Variants in CDH12 observed in about 807,000 individuals in gnomAD.
CDH12 encodes cadherin-12.
CDH12 carries 41 observed loss-of-function variants against 74.1 expected under a neutral mutation model. The observed-to-expected ratio is 0.55, with a 90% confidence interval of 0.43 to 0.72. The LOEUF (loss-of-function observed/expected upper bound fraction) is 0.72, where lower values mean the gene tolerates loss of function less well. CDH12 is among the 30% of genes least tolerant of loss of function. CDH12 has a pLI of 0.00. For missense variants in CDH12, 945 were observed against 977.2 expected (o/e 0.97, Z 0.44); for synonymous variants, 399 against 355.0 (o/e 1.12, Z -1.39).
intron 3 of CDH12, among the ~76,000 whole-genome samples, chr5:22,265,569 A>G (rs1425734482): frequency 6.6e-6 from 1 of 152,178 alleles, no homozygotes. Context: ...CTATTGTTTT[A>G]ACAATAATCA....
chr5:22,554,402 G>A (rs1738707916), intron 1 of CDH12, among the ~76,000 whole-genome samples: 1 of 152,092 alleles, frequency 6.6e-6, no homozygotes, highest in African/African-American at 2.4e-5. Context: ...CTATGAATGG[G>A]TAGGACAGTG....
chr5:22,158,826 C>T (rs1359397946), intron 4 of CDH12, among the ~76,000 whole-genome samples: 1 of 151,984 alleles, frequency 6.6e-6, no homozygotes, highest in Non-Finnish European at 1.5e-5. Flanking sequence ...GACAAATTAG[C>T]TCAGGTCATC....
intron 5 of CDH12, among the ~76,000 whole-genome samples, chr5:22,022,727 C>A (rs1375515027): frequency 6.6e-6 from 1 of 152,064 alleles, no homozygotes; most frequent in Non-Finnish European, 1.5e-5. Context: ...TTTTCTTGCT[C>A]ACCCTATATA....
intron 10 of CDH12, among the ~76,000 whole-genome samples, chr5:21,797,957 A>G (rs1746882932): frequency 6.6e-6 from 1 of 152,168 alleles, no homozygotes; most frequent in Non-Finnish European, 1.5e-5. Context: ...CTCTAGATAC[A>G]TAGTTTCTCT....
At chr5:22,432,912 G>C (rs926399675) in intron 2 of CDH12, among the ~76,000 whole-genome samples, 1 of 152,090 alleles carries the variant, frequency 6.6e-6, no homozygotes, top group African/African-American at 2.4e-5. Context: ...GACGGCCAGA[G>C]TCAGTTGATT....
chr5:22,663,268 A>G (rs1392209243), intron 1 of CDH12, among the ~76,000 whole-genome samples: 1 of 152,206 alleles, frequency 6.6e-6, no homozygotes, highest in African/African-American at 2.4e-5. Flanking sequence ...CCTTTTATCT[A>G]ATCATTTATC....
chr5:21,973,785 C>T (rs1242131921), intron 6 of CDH12, among the ~76,000 whole-genome samples: 1 of 152,280 alleles, frequency 6.6e-6, no homozygotes, highest in South Asian at 2.1e-4. Context: ...AAAATCAAGA[C>T]ACCGTTAAAA....
intron 2 of CDH12, among the ~76,000 whole-genome samples, chr5:22,405,879 G>A (rs2126459806): frequency 6.6e-6 from 1 of 152,192 alleles, no homozygotes; most frequent in African/African-American, 2.4e-5. Context: ...TTTGCATATA[G>A]CCTACACACA....
intron 6 of CDH12, among the ~76,000 whole-genome samples, chr5:21,895,404 T>C (rs1337154623): frequency 6.6e-6 from 1 of 152,306 alleles, no homozygotes; most frequent in African/African-American, 2.4e-5. Flanking sequence ...GAAGAGAAAC[T>C]GTGGTTCTGT....
At chr5:22,132,459 G>T (rs1417932770) in intron 4 of CDH12, among the ~76,000 whole-genome samples, 3 of 151,920 alleles carry the variant, frequency 2.0e-5, no homozygotes, top group Non-Finnish European at 4.4e-5. Flanking sequence ...ATTTTAAGAT[G>T]TTGCTGTTTT....
chr5:22,368,356 T>C (rs1014508517), intron 3 of CDH12, among the ~76,000 whole-genome samples: 3 of 152,048 alleles, frequency 2.0e-5, no homozygotes, highest in Non-Finnish European at 4.4e-5. Context: ...TGGAGTGCAG[T>C]GATACAATCG....
At chr5:22,328,871 T>C (rs1490474795) in intron 3 of CDH12, among the ~76,000 whole-genome samples, 2 of 152,152 alleles carry the variant, frequency 1.3e-5, no homozygotes, top group Non-Finnish European at 2.9e-5. Flanking sequence ...CTTTTTTGCA[T>C]AGGGCATTTC....
rs561235097 is a variant in CDH12 at position 21,871,530 on chromosome 5, C to T, written c.527-16740G>A. Among the ~76,000 whole-genome samples, 6 of 151,984 alleles carry T rather than the reference C, an allele frequency of 3.9e-5. No homozygotes were observed. In the East Asian group the frequency reaches 7.7e-4, roughly 20 times the overall value. On this transcript the variant is annotated intron_variant, in intron 6 of 14. Coordinates refer to ENST00000382254, the MANE Select transcript of CDH12 (RefSeq NM_004061.5). ...GGTGGATCACTTGAGGTCAAAAGTTCGCGACCAGCCTGACCAACATGGAGA... is the reference window on the plus strand; with the variant it reads ...GGTGGATCACTTGAGGTCAAAAGTTTGCGACCAGCCTGACCAACATGGAGA...
intron 3 of CDH12, among the ~76,000 whole-genome samples, chr5:22,375,570 T>C (rs1005962729): frequency 6.6e-6 from 1 of 152,024 alleles, no homozygotes; most frequent in African/African-American, 2.4e-5. Flanking sequence ...ATATCCAGAA[T>C]ACATGAGGAA....
At chr5:22,512,756 T>C (rs544840032) in intron 1 of CDH12, among the ~76,000 whole-genome samples, 65 of 152,278 alleles carry the variant, frequency 4.3e-4, no homozygotes, top group Non-Finnish European at 7.9e-4. Context: ...ATGTGTGAGA[T>C]GTTACTAACA....
At chr5:22,082,009 A>C (rs2150229158) in intron 4 of CDH12, among the ~76,000 whole-genome samples, 1 of 152,306 alleles carries the variant, frequency 6.6e-6, no homozygotes, top group African/African-American at 2.4e-5. Context: ...AATGCCTGAA[A>C]CCAAGGATAG....
chr5:22,078,234 T>A (rs1452666285), intron 5 of CDH12, among the ~76,000 whole-genome samples: 3 of 152,138 alleles, frequency 2.0e-5, no homozygotes. Flanking sequence ...TTCATTAAAA[T>A]AATCAGGAAG....
At chr5:22,385,616 A>G (rs1449959029) in intron 3 of CDH12, among the ~76,000 whole-genome samples, 3 of 152,168 alleles carry the variant, frequency 2.0e-5, no homozygotes, top group African/African-American at 7.2e-5. Flanking sequence ...CTGCCTCTAT[A>G]AGACAGTAGG....
chr5:21,794,925 G>T (rs1746698375), intron 10 of CDH12, among the ~76,000 whole-genome samples: 1 of 150,864 alleles, frequency 6.6e-6, no homozygotes, highest in African/African-American at 2.4e-5. Flanking sequence ...TTATTCAGTT[G>T]GTAGAAAATT....
Sources: gnomAD v4.1 joint callset for allele counts (sites outside exome capture counted in the v4.1 genomes callset) on GRCh38, gnomAD v4.1.1 for gene constraint, MANE v1.5 for transcripts, NCBI Gene and HGNC (gene_info 2026-07-23, HGNC 2026-07-21) for gene names.